The following DDX10 variants were observed in gnomAD, a reference collection of about 807,000 sequenced individuals.
The protein encoded by DDX10 is DEAD-box helicase 10.
In DDX10, 74 loss-of-function variants were observed where a neutral mutation model predicts 104.3. That is an observed-to-expected ratio of 0.71 (90% confidence interval 0.59 to 0.86). The LOEUF (loss-of-function observed/expected upper bound fraction) is 0.86. DDX10 is among the 40% of genes least tolerant of loss of function. The pLI is 0.00. For missense variants in DDX10, 952 were observed against 1,040.0 expected (o/e 0.92, Z 1.16); for synonymous variants, 351 against 353.4 (o/e 0.99, Z 0.08).
intron 17 of DDX10, among the ~76,000 whole-genome samples, chr11:108,938,886 A>G (rs1864068560): frequency 6.6e-6 from 1 of 152,242 alleles, no homozygotes. Context: ...GTCTTCTTAA[A>G]GAGTAATCCA....
chr11:108,834,541 A>G (rs918589384), intron 13 of DDX10, among the ~76,000 whole-genome samples: 2 of 152,162 alleles, frequency 1.3e-5, no homozygotes, highest in African/African-American at 4.8e-5. Context: ...CCATGACCCC[A>G]GAAGGTTTAC....
intron 13 of DDX10, among the ~76,000 whole-genome samples, chr11:108,754,498 G>A (rs2094342242): frequency 6.6e-6 from 1 of 151,892 alleles, no homozygotes; most frequent in Non-Finnish European, 1.5e-5. Context: ...ATTTTTCTGT[G>A]TATACTTGAT....
intron 16 of DDX10, among the ~76,000 whole-genome samples, chr11:108,872,648 G>A (rs552499256): frequency 6.6e-6 from 1 of 152,228 alleles, no homozygotes; most frequent in Admixed American, 6.5e-5. Flanking sequence ...ATTATTTCTG[G>A]CACTAGTATC....
At chr11:108,830,708 T>C (rs1287386240) in intron 13 of DDX10, among the ~76,000 whole-genome samples, 2 of 152,238 alleles carry the variant, frequency 1.3e-5, no homozygotes, top group Admixed American at 1.3e-4. Flanking sequence ...TTTTATTACA[T>C]AGATTGGCTA....
At chr11:108,907,073 A>G (rs1010309323) in intron 16 of DDX10, among the ~76,000 whole-genome samples, 1 of 152,296 alleles carries the variant, frequency 6.6e-6, no homozygotes, top group South Asian at 2.1e-4. Flanking sequence ...GGGCTTTTGC[A>G]TATTCATATG....
chr11:108,689,213 C>T (rs1565247780), intron 7 of DDX10, 151 bp downstream of exon 7: 15 of 764,742 alleles, frequency 2.0e-5, no homozygotes, highest in Non-Finnish European at 1.7e-5. Flanking sequence ...GAATCCGTGG[C>T]TGAGACTTTC....
rs567914907 is a variant in DDX10 at position 108,775,631 on chromosome 11, A to C, written c.1965+52169A>C. On this transcript the variant is annotated intron_variant, in intron 13 of 17. Transcript: ENST00000322536. ...TTCCTAAATACTATTTAAAATTTAG[A>C]TATAGCTATGATATTAAAAAATGTG... Among the ~76,000 whole-genome samples, 20 of 152,348 alleles carry C rather than the reference A, an allele frequency of 1.3e-4. No individual in the cohort carries two copies. The South Asian group carries it at 4.1e-3, about 32-fold the overall frequency.
At chr11:108,851,589 T>C (rs571019940) in intron 15 of DDX10, among the ~76,000 whole-genome samples, 1 of 152,258 alleles carries the variant, frequency 6.6e-6, no homozygotes, top group South Asian at 2.1e-4. Context: ...ATAATACTAG[T>C]TATTATTTTC....
At chr11:108,801,913 T>C (rs1423779971) in intron 13 of DDX10, among the ~76,000 whole-genome samples, 2 of 152,216 alleles carry the variant, frequency 1.3e-5, no homozygotes, top group East Asian at 1.9e-4. Flanking sequence ...AAGAAAAATA[T>C]AGAAATTCTC....
At chr11:108,714,688 T>G (rs2094289055) in intron 10 of DDX10, among the ~76,000 whole-genome samples, 1 of 152,110 alleles carries the variant, frequency 6.6e-6, no homozygotes, top group African/African-American at 2.4e-5. Flanking sequence ...TTTCAGAGAG[T>G]TGTGATCTCC....
intron 16 of DDX10, among the ~76,000 whole-genome samples, chr11:108,881,257 TA>T (rs2134632154): frequency 6.6e-6 from 1 of 152,278 alleles, no homozygotes; most frequent in Non-Finnish European, 1.5e-5. Context: ...CTGCCCTCCA[TA>T]GGATGATTGC....
intron 15 of DDX10, among the ~76,000 whole-genome samples, chr11:108,846,606 G>T (rs1298311930): frequency 6.6e-6 from 1 of 152,126 alleles, no homozygotes; most frequent in Non-Finnish European, 1.5e-5. Context: ...ATGGAATTCT[G>T]TATTTTCCTT....
At chr11:108,701,306 C>G (rs2094267548) in intron 9 of DDX10, among the ~76,000 whole-genome samples, 1 of 152,032 alleles carries the variant, frequency 6.6e-6, no homozygotes, top group Admixed American at 6.6e-5. Flanking sequence ...ACTGTTCTCC[C>G]CCAGTGACAT....
chr11:108,875,742 C>A (rs1863145298), intron 16 of DDX10, among the ~76,000 whole-genome samples: 1 of 152,182 alleles, frequency 6.6e-6, no homozygotes, highest in South Asian at 2.1e-4. Flanking sequence ...GAAGCACTTT[C>A]ACGTTTCGCG....
intron 13 of DDX10, among the ~76,000 whole-genome samples, chr11:108,769,419 T>C (rs1270720935): frequency 1.3e-5 from 2 of 152,128 alleles, no homozygotes; most frequent in Admixed American, 6.5e-5. Flanking sequence ...TGCAATAAGT[T>C]ATATTTGGTT....
At chr11:108,836,089 T>G (rs1862551693) in intron 13 of DDX10, among the ~76,000 whole-genome samples, 1 of 152,218 alleles carries the variant, frequency 6.6e-6, no homozygotes, top group African/African-American at 2.4e-5. Context: ...TTAAGTTTCC[T>G]GCCTCCAGAC....
intron 13 of DDX10, among the ~76,000 whole-genome samples, chr11:108,760,962 C>G (rs1324514996): frequency 2.0e-5 from 3 of 151,946 alleles, no homozygotes; most frequent in Non-Finnish European, 2.9e-5. Context: ...TATAGTAATT[C>G]AGTCACTAAG....
intron 13 of DDX10, among the ~76,000 whole-genome samples, chr11:108,799,564 A>T (rs1861989823): frequency 1.3e-5 from 2 of 152,166 alleles, no homozygotes; most frequent in Admixed American, 6.5e-5. Flanking sequence ...AACATTCTAG[A>T]TGTGGAAGAA....
chr11:108,757,303 ATCTG>A (rs1312022392), intron 13 of DDX10, among the ~76,000 whole-genome samples: 2 of 152,034 alleles, frequency 1.3e-5, no homozygotes, highest in African/African-American at 4.8e-5. Flanking sequence ...ACTTTTGTGT[ATCTG>A]TCTGTGTAAC....
Sources: allele counts gnomAD v4.1 joint callset (sites outside exome capture counted in the v4.1 genomes callset), GRCh38; gene constraint gnomAD v4.1.1; transcripts MANE v1.5; gene names NCBI Gene and HGNC (gene_info 2026-07-23, HGNC 2026-07-21).